HIVEP3: variants seen among roughly 807,000 people sequenced by gnomAD.
The protein encoded by HIVEP3 is transcription factor HIVEP3.
HIVEP3 carries 49 observed loss-of-function variants against 152.8 expected under a neutral mutation model. That is an observed-to-expected ratio of 0.32 (90% CI 0.26 to 0.41). The LOEUF (loss-of-function observed/expected upper bound fraction) is 0.41. Ranked by LOEUF, HIVEP3 falls within the 10% of genes least tolerant of loss-of-function variation. The pLI is 1.00. For synonymous variants in HIVEP3, 1,269 were observed against 1,289.0 expected (o/e 0.98, Z 0.33); for missense variants, 2,790 against 3,103.3 (o/e 0.90, Z 2.40).
chr1:41,961,846 A>T (rs1009572479), intron 1 of HIVEP3, among the ~76,000 whole-genome samples: 3 of 152,266 alleles, frequency 2.0e-5, no homozygotes, highest in Non-Finnish European at 2.9e-5. Context: ...CCGGAAAATA[A>T]TATCACTCTC....
intron 1 of HIVEP3, among the ~76,000 whole-genome samples, chr1:41,937,407 A>C (rs1395368365): frequency 1.3e-5 from 2 of 152,170 alleles, no homozygotes; most frequent in Non-Finnish European, 2.9e-5. Context: ...TCAGACTTCT[A>C]GGAAGACAAT....
intron 3 of HIVEP3, among the ~76,000 whole-genome samples, chr1:41,594,735 T>C (rs897116687): frequency 6.6e-6 from 1 of 152,234 alleles, no homozygotes; most frequent in Non-Finnish European, 1.5e-5. Flanking sequence ...TTCCATGTGG[T>C]TAAATGTACC....
At chr1:41,598,514 C>G (rs1644699781) in intron 3 of HIVEP3, among the ~76,000 whole-genome samples, 1 of 152,186 alleles carries the variant, frequency 6.6e-6, no homozygotes, top group Admixed American at 6.5e-5. Flanking sequence ...CTGCCTGTGG[C>G]TTCTGTCATT....
chr1:41,992,181 T>C (rs1645366049), intron 1 of HIVEP3, among the ~76,000 whole-genome samples: 1 of 149,652 alleles, frequency 6.7e-6, no homozygotes, highest in African/African-American at 2.5e-5. Flanking sequence ...ATAAAGGGTA[T>C]TCAATTAGGA....
chr1:41,534,832 T>C (rs966025222), intron 5 of HIVEP3, among the ~76,000 whole-genome samples: 1 of 152,174 alleles, frequency 6.6e-6, no homozygotes, highest in African/African-American at 2.4e-5. Context: ...AGAACCTTGA[T>C]GGGCGCATAC....
At chr1:41,711,484 T>C (rs1646512656) in intron 1 of HIVEP3, among the ~76,000 whole-genome samples, 1 of 152,130 alleles carries the variant, frequency 6.6e-6, no homozygotes, top group South Asian at 2.1e-4. Flanking sequence ...TGTGTTCAGA[T>C]CCCAGCTCTG....
intron 1 of HIVEP3, among the ~76,000 whole-genome samples, chr1:41,786,808 G>C (rs1255717074): frequency 6.7e-6 from 1 of 149,868 alleles, no homozygotes; most frequent in Non-Finnish European, 1.5e-5. Flanking sequence ...CTGGAGTACA[G>C]TGGCAGGATC....
At chr1:41,842,154 A>C (rs1219305615) in intron 1 of HIVEP3, among the ~76,000 whole-genome samples, 1 of 152,158 alleles carries the variant, frequency 6.6e-6, no homozygotes, top group Admixed American at 6.5e-5. Context: ...GTAAGCACTC[A>C]ATAATAACAG....
chr1:41,629,443 G>C (rs1369350291), intron 2 of HIVEP3, among the ~76,000 whole-genome samples: 1 of 152,158 alleles, frequency 6.6e-6, no homozygotes, highest in African/African-American at 2.4e-5. Context: ...TTAAACTAAA[G>C]AGCGTCTGCA....
chr1:41,745,440 C>G (rs1027290766), intron 1 of HIVEP3, among the ~76,000 whole-genome samples: 1 of 152,232 alleles, frequency 6.6e-6, no homozygotes, highest in Non-Finnish European at 1.5e-5. Context: ...CATGTATCTA[C>G]CCATGTGGTA....
chr1:41,952,503 A>G (rs1645114303), intron 1 of HIVEP3, among the ~76,000 whole-genome samples: 1 of 152,210 alleles, frequency 6.6e-6, no homozygotes, highest in Admixed American at 6.5e-5. Flanking sequence ...AAGGATCAGC[A>G]GAAGCAAGTT....
chr1:41,524,677 C>G, intron 6 of HIVEP3, 58 bp downstream of exon 6: 1 of 1,515,098 alleles, frequency 6.6e-7, no homozygotes, highest in Non-Finnish European at 9.2e-7. Context: ...TGCTGGGACT[C>G]CCAGAGGGGA....
At chr1:41,541,263 G>A (rs908533840) in intron 5 of HIVEP3, among the ~76,000 whole-genome samples, 3 of 152,192 alleles carry the variant, frequency 2.0e-5, no homozygotes, top group Non-Finnish European at 4.4e-5. Flanking sequence ...CTCAGACTGA[G>A]CCACCTCTTC....
rs192209836 is a variant in HIVEP3 at position 41,556,311 on chromosome 1, T to C, written c.5207+19233A>G. On this transcript the variant is annotated intron_variant, in intron 5 of 8. Transcript: ENST00000372583. ...CACTTATTTTCCATGTTTTTGATAA[T>C]AGCCCTCCTAGAGGGTGTGAAGTAG... Among the ~76,000 whole-genome samples the C allele has an allele frequency of 1.9e-3, 296 of 152,350 alleles. 1 individual carries two copies. The highest frequency in any genetic ancestry group is 3.5e-3 in the Non-Finnish European group (238 of 68,010).
chr1:42,001,788 T>A (rs146339483), intron 1 of HIVEP3, among the ~76,000 whole-genome samples: 152 of 152,316 alleles, frequency 1.0e-3, no homozygotes, highest in Middle Eastern at 3.4e-3. Context: ...TATTTTGTAC[T>A]ACTTGATAAA....
At chr1:41,976,496 C>T (rs996379379) in intron 1 of HIVEP3, among the ~76,000 whole-genome samples, 1 of 152,242 alleles carries the variant, frequency 6.6e-6, no homozygotes, top group African/African-American at 2.4e-5. Context: ...GAGGGTGTGA[C>T]AACCCTTTCT....
intron 1 of HIVEP3, among the ~76,000 whole-genome samples, chr1:41,895,261 C>G (rs1644509092): frequency 6.6e-6 from 1 of 152,146 alleles, no homozygotes; most frequent in Non-Finnish European, 1.5e-5. Flanking sequence ...CCACTCCTTT[C>G]CCCATGAACC....
chr1:41,559,069 T>C lies in HIVEP3; in HGVS notation c.5207+16475A>G, dbSNP rs533335703. On this transcript the variant is annotated intron_variant, in intron 5 of 8. Coordinates refer to ENST00000372583, the MANE Select transcript of HIVEP3 (RefSeq NM_024503.5). ...CCATCTTGGGCCTGCCAGCCACTCA[T>C]GTCAACAGATGACCCCATCCATAGC... 3.9e-5 allele frequency among the ~76,000 whole-genome samples: 6 copies of C among 152,208 alleles called. No individual in the cohort carries two copies. In the South Asian group the frequency reaches 1.0e-3, roughly 26 times the overall value.
intron 1 of HIVEP3, among the ~76,000 whole-genome samples, chr1:41,868,164 A>G (rs1053895117): frequency 6.7e-6 from 1 of 149,590 alleles, no homozygotes; most frequent in African/African-American, 2.5e-5. Context: ...TTAGCCATGA[A>G]CACCATCAGT....
Sources: gnomAD v4.1 joint callset for allele counts (sites outside exome capture counted in the v4.1 genomes callset) on GRCh38, gnomAD v4.1.1 for gene constraint, MANE v1.5 for transcripts, NCBI Gene and HGNC (gene_info 2026-07-23, HGNC 2026-07-21) for gene names.